UBR2: variants seen among roughly 807,000 people sequenced by gnomAD.
UBR2 encodes the protein E3 ubiquitin-protein ligase UBR2.
UBR2 carries 92 observed loss-of-function variants against 247.9 expected under a neutral mutation model. The ratio of observed to expected loss-of-function variants is 0.37; its 90% confidence interval spans 0.31 to 0.44. The LOEUF (loss-of-function observed/expected upper bound fraction) is 0.44. Among genes scored for constraint, UBR2 ranks in the 20% least tolerant of loss-of-function variants. UBR2 has a pLI of 1.00. For synonymous variants in UBR2, 672 were observed against 693.5 expected (o/e 0.97, Z 0.49); for missense variants, 1,613 against 2,112.6 (o/e 0.76, Z 4.64).
intron 25 of UBR2, 97 bp from the exon 26 acceptor site, chr6:42,655,524 A>T: frequency 1.5e-6 from 1 of 656,678 alleles, no homozygotes; most frequent in Non-Finnish European, 2.5e-6. Flanking sequence ...TCATAGTTTG[A>T]TTTATCTTTT....
At chr6:42,586,473 T>G (rs1345605963) in intron 2 of UBR2, among the ~76,000 whole-genome samples, 1 of 151,946 alleles carries the variant, frequency 6.6e-6, no homozygotes, top group Non-Finnish European at 1.5e-5. Context: ...ATTGATATGC[T>G]TATAATTATT....
At chr6:42,635,569 G>A in intron 14 of UBR2, 23 bp downstream of exon 14, 1 of 1,591,020 alleles carries the variant, frequency 6.3e-7, no homozygotes, top group Non-Finnish European at 8.6e-7. Flanking sequence ...TGGGTGCGGG[G>A]AATAGGAGGA....
chr6:42,681,610 G>A (rs1392930422), intron 42 of UBR2, among the ~76,000 whole-genome samples: 4 of 152,064 alleles, frequency 2.6e-5, no homozygotes, highest in Non-Finnish European at 5.9e-5. Context: ...TGTTTACAAG[G>A]ATGTGGAAAA....
intron 25 of UBR2, among the ~76,000 whole-genome samples, 180 bp downstream of exon 25, chr6:42,652,825 A>G (rs1797203002): frequency 6.6e-6 from 1 of 152,254 alleles, no homozygotes; most frequent in South Asian, 2.1e-4. Flanking sequence ...ATTTTTTTAT[A>G]CCACATGGTT....
chr6:42,681,451 T>G (rs1669591012), intron 42 of UBR2, among the ~76,000 whole-genome samples: 1 of 152,108 alleles, frequency 6.6e-6, no homozygotes, highest in African/African-American at 2.4e-5. Context: ...GTAAAGGGCT[T>G]AAATAGGCAT....
intron 11 of UBR2, chr6:42,619,453 A>ATATGTTTTT: frequency 4.2e-5 from 1 of 23,716 alleles, no homozygotes; most frequent in Non-Finnish European, 8.4e-5. Flanking sequence ...ATATATATAT[A>ATATGTTTTT]TTTTTTTTTT....
intron 2 of UBR2, among the ~76,000 whole-genome samples, chr6:42,590,839 A>G (rs773083537): frequency 4.6e-5 from 7 of 152,384 alleles, no homozygotes; most frequent in Admixed American, 6.5e-5. Flanking sequence ...TAAACTTGCT[A>G]TCAAATATCT....
At chr6:42,666,067 A>AT in intron 33 of UBR2, 100 bp from the exon 34 acceptor site, 3 of 991,330 alleles carry the variant, frequency 3.0e-6, no homozygotes, top group South Asian at 4.0e-5. Context: ...TTATTAGGGA[A>AT]TTTTTTTCCT....
At chr6:42,581,834 G>A (rs1484739346) in intron 2 of UBR2, among the ~76,000 whole-genome samples, 1 of 152,010 alleles carries the variant, frequency 6.6e-6, no homozygotes, top group Non-Finnish European at 1.5e-5. Flanking sequence ...CTAAGTTTTG[G>A]CTATTATGAA....
At chr6:42,636,673 G>A (rs1002690371) in intron 14 of UBR2, among the ~76,000 whole-genome samples, 18 of 152,250 alleles carry the variant, frequency 1.2e-4, no homozygotes, top group African/African-American at 3.9e-4. Flanking sequence ...ATAGAGAGAC[G>A]CTTGGCAATG....
intron 18 of UBR2, among the ~76,000 whole-genome samples, chr6:42,643,738 G>C (rs879265009): frequency 9.9e-5 from 15 of 152,164 alleles, no homozygotes; most frequent in Non-Finnish European, 1.8e-4. Context: ...TGTCACTTCA[G>C]TCAGTATAAT....
chr6:42,687,528 T>TTTA (rs140901748), intron 44 of UBR2, among the ~76,000 whole-genome samples: 1 of 149,130 alleles, frequency 6.7e-6, no homozygotes, highest in East Asian at 2.0e-4. Flanking sequence ...TTGTATTTTA[T>TTTA]TTTATTTATT....
chr6:42,616,887 C>T (rs1429833477), intron 10 of UBR2, among the ~76,000 whole-genome samples: 3 of 152,078 alleles, frequency 2.0e-5, no homozygotes, highest in Admixed American at 2.0e-4. Context: ...TCAGATGATT[C>T]TGATATGATG....
Position 42,693,439 on chromosome 6 carries a change from A to C in UBR2, c.*2266A>C, listed in dbSNP as rs2152001922. 1 of 152,220 alleles carries C rather than the reference A, an allele frequency of 6.6e-6. No individual in the cohort carries two copies. Among genetic ancestry groups the C allele is most frequent in the East Asian group, 1.9e-4 (1 of 5,206 alleles). The allele number at this position is 152,220 out of a possible 1,614,324, so 9.4% of individuals were successfully genotyped here. Reference sequence around the variant, plus strand: ...TTTAATATCTGTGGACAACTTGTAAAATTTGGAATGTATCATATGTAAAAA... The same window carrying C: ...TTTAATATCTGTGGACAACTTGTAACATTTGGAATGTATCATATGTAAAAA... On this transcript the variant is annotated 3_prime_UTR_variant, in exon 47 of 47. Transcript: ENST00000372901.
At chr6:42,661,540 A>G (rs936101505) in intron 30 of UBR2, among the ~76,000 whole-genome samples, 3 of 152,232 alleles carry the variant, frequency 2.0e-5, no homozygotes, top group African/African-American at 7.2e-5. Context: ...AAAGAATTCA[A>G]AAATTCCAAA....
intron 4 of UBR2, among the ~76,000 whole-genome samples, chr6:42,597,441 C>T (rs1793044265): frequency 6.6e-6 from 1 of 151,790 alleles, no homozygotes; most frequent in African/African-American, 2.4e-5. Context: ...ACAAAAATTA[C>T]AAAAATTAGC....
At chr6:42,641,738 C>A in intron 17 of UBR2, 46 bp downstream of exon 17, 1 of 1,512,652 alleles carries the variant, frequency 6.6e-7, no homozygotes, top group Non-Finnish European at 9.1e-7. Flanking sequence ...CCATTCTTGG[C>A]TTCTGTGAAG....
intron 2 of UBR2, among the ~76,000 whole-genome samples, chr6:42,584,466 T>G (rs1368372010): frequency 6.6e-6 from 1 of 152,228 alleles, no homozygotes; most frequent in East Asian, 1.9e-4. Context: ...TCTTCCATTT[T>G]TGTTCCTTTA....
At chr6:42,646,049 C>A (rs948315509) in intron 21 of UBR2, among the ~76,000 whole-genome samples, 1 of 152,088 alleles carries the variant, frequency 6.6e-6, no homozygotes, top group African/African-American at 2.4e-5. Flanking sequence ...AATGACGAGC[C>A]CTTGTTTCAT....
Sources: allele counts gnomAD v4.1 joint callset (sites outside exome capture counted in the v4.1 genomes callset), GRCh38; gene constraint gnomAD v4.1.1; transcripts MANE v1.5; gene names NCBI Gene and HGNC (gene_info 2026-07-23, HGNC 2026-07-21).